Variants in MYO16 observed in about 807,000 individuals in gnomAD.
MYO16 encodes unconventional myosin-XVI.
A neutral mutation model predicts 205.3 loss-of-function variants in MYO16; 94 were observed. The observed-to-expected ratio is 0.46, with a 90% confidence interval of 0.39 to 0.54. MYO16 has a LOEUF of 0.54. Ranked by LOEUF, MYO16 falls within the 20% of genes least tolerant of loss-of-function variation. The pLI is 0.00. For missense variants in MYO16, 2,315 were observed against 2,387.5 expected, an observed-to-expected ratio of 0.97 and a Z score of 0.63; for synonymous variants, 988 against 954.0, an observed-to-expected ratio of 1.04 and a Z score of -0.66.
intron 27 of MYO16, among the ~76,000 whole-genome samples, chr13:109,057,202 AT>A (rs1887441010): frequency 6.6e-6 from 1 of 152,160 alleles, no homozygotes; most frequent in Non-Finnish European, 1.5e-5. Flanking sequence ...CTTATTGTGC[AT>A]TTTGGTAAAT....
At chr13:108,746,920 T>C (rs564588002) in intron 4 of MYO16, among the ~76,000 whole-genome samples, 1 of 151,982 alleles carries the variant, frequency 6.6e-6, no homozygotes, top group East Asian at 1.9e-4. Context: ...GCAGGAAAGA[T>C]ACCTTATTTA....
At chr13:108,802,268 CAACCA>C (rs1260987149) in intron 6 of MYO16, among the ~76,000 whole-genome samples, 1 of 152,168 alleles carries the variant, frequency 6.6e-6, no homozygotes, top group Non-Finnish European at 1.5e-5. Flanking sequence ...GAGTCCCTGG[CAACCA>C]TCATTCTTCT....
In MYO16 at chr13:108,798,688, A is replaced by ATTTTTTTTTT. The variant is rs35432777; in HGVS notation, c.741+5067_741+5076dup. On this transcript the variant is annotated intron_variant, in intron 6 of 34. Coordinates refer to ENST00000457511, the MANE Select transcript of MYO16 (RefSeq NM_001198950.3). ...TATATCACATCTGGCCCCGAGGCTT[A>ATTTTTTTTTT]TTTTTTTTTTTTTTTTTTTTTTTTT... Among the ~76,000 whole-genome samples, 4 of 70,350 alleles carry ATTTTTTTTTT rather than the reference A, an allele frequency of 5.7e-5. 1 individual carries two copies. Among genetic ancestry groups the ATTTTTTTTTT allele is most frequent in the Non-Finnish European group, 9.9e-5 (4 of 40,606 alleles). The allele number at this position is 70,350 out of a possible 152,430, so 46.2% of individuals were successfully genotyped here. A position where few individuals can be genotyped will look rare whatever the true frequency, so the allele number is the denominator to read the frequency against.
At chr13:108,878,464 A>T (rs2139156063) in intron 12 of MYO16, among the ~76,000 whole-genome samples, 1 of 152,216 alleles carries the variant, frequency 6.6e-6, no homozygotes, top group Admixed American at 6.5e-5. Flanking sequence ...CTCCCCATCC[A>T]TCCCACTGAG....
intron 4 of MYO16, among the ~76,000 whole-genome samples, chr13:108,765,645 T>C (rs1885754766): frequency 6.6e-6 from 1 of 152,220 alleles, no homozygotes; most frequent in Non-Finnish European, 1.5e-5. Context: ...CCCCATCAGA[T>C]ACACACGCTT....
intron 15 of MYO16, among the ~76,000 whole-genome samples, chr13:108,908,722 C>T (rs1024824639): frequency 6.6e-6 from 1 of 152,052 alleles, no homozygotes; most frequent in Non-Finnish European, 1.5e-5. Context: ...CCCTGTAATC[C>T]TGGCACTTTG....
intron 22 of MYO16, among the ~76,000 whole-genome samples, chr13:109,012,576 T>C (rs1164097261): frequency 1.3e-5 from 2 of 151,542 alleles, no homozygotes; most frequent in East Asian, 1.9e-4. Flanking sequence ...CCTGAAACCA[T>C]CCCCCCCACC....
chr13:109,182,836 G>C (rs1879511803), intron 34 of MYO16, among the ~76,000 whole-genome samples: 1 of 152,134 alleles, frequency 6.6e-6, no homozygotes, highest in African/African-American at 2.4e-5. Context: ...AACTATAATG[G>C]CTTTATATAA....
intron 27 of MYO16, among the ~76,000 whole-genome samples, chr13:109,075,236 G>T (rs908361487): frequency 6.6e-6 from 1 of 152,148 alleles, no homozygotes; most frequent in Non-Finnish European, 1.5e-5. Context: ...AAGGCATAGC[G>T]TTAGTGTATG....
rs1052517619 is a variant in MYO16, at chr13:108,874,245, C to A, written c.1425+8003C>A. 2.6e-5 allele frequency among the ~76,000 whole-genome samples: 4 copies of A among 151,608 alleles called. 1 individual carries two copies. In the South Asian group the frequency reaches 8.3e-4, roughly 31 times the overall value. On this transcript the variant is annotated intron_variant, in intron 12 of 34. Transcript: ENST00000457511. Reference sequence around the variant, plus strand: ...ATCACAATAAAAAAAGAAATGTGATCGGGGCAAATCTTAAAAAATTAGTAA... The same window carrying A: ...ATCACAATAAAAAAAGAAATGTGATAGGGGCAAATCTTAAAAAATTAGTAA...
chr13:109,050,494 G>A (rs1887210868), intron 24 of MYO16, among the ~76,000 whole-genome samples: 2 of 152,022 alleles, frequency 1.3e-5, no homozygotes. Context: ...AAAGCTTGCT[G>A]TTTTCCCTTT....
chr13:108,506,881 T>A, the MYO16 span, among the ~76,000 whole-genome samples: 2 of 152,102 alleles, frequency 1.3e-5, no homozygotes, highest in African/African-American at 2.4e-5. Flanking sequence ...TTTGTTGAAT[T>A]TTTTTTACCA....
chr13:108,519,582 A>G, the MYO16 span, among the ~76,000 whole-genome samples: 1 of 151,564 alleles, frequency 6.6e-6, no homozygotes, highest in Non-Finnish European at 1.5e-5. Flanking sequence ...AAATAATGGA[A>G]ACAAACACAA....
Position 108,866,171 on chromosome 13 carries a change from T to A in MYO16, c.1360-6T>A. ...TCATGAACTGTTTGCATCCCTTTTT[T>A]CACAGACATTCATTGGAGACATTCT... On this transcript the variant is annotated splice_polypyrimidine_tract_variant and splice_region_variant and intron_variant, in intron 11 of 34. Transcript: ENST00000457511. 6.3e-7 allele frequency: 1 copy of A among 1,596,900 alleles called. No homozygotes were observed. Among genetic ancestry groups the A allele is most frequent in the Non-Finnish European group, 8.6e-7 (1 of 1,168,868 alleles).
chr13:108,945,931 A>G (rs563057150), intron 16 of MYO16, among the ~76,000 whole-genome samples: 1 of 152,282 alleles, frequency 6.6e-6, no homozygotes, highest in East Asian at 1.9e-4. Context: ...CATGTCAGAA[A>G]GGTGTTTAGC....
chr13:108,595,881 C>CTTTT (rs67620613), upstream of MYO16, among the ~76,000 whole-genome samples: 1,506 of 108,250 alleles, frequency 0.014, 57 homozygotes, highest in East Asian at 0.071. Context: ...AAATTAAGTC[C>CTTTT]TTTTTTTTTT....
At chr13:108,596,736 T>G (rs1878577775) in intron 1 of MYO16, among the ~76,000 whole-genome samples, 1 of 152,160 alleles carries the variant, frequency 6.6e-6, no homozygotes, top group Admixed American at 6.5e-5. Context: ...ATGTGATGTG[T>G]TTTGCATATG....
chr13:109,143,624 C>T lies in MYO16; in HGVS notation c.5164+2248C>T, dbSNP rs539591072. 2.0e-5 allele frequency among the ~76,000 whole-genome samples: 3 copies of T among 151,596 alleles called. No homozygotes were observed. In the East Asian group the frequency reaches 5.8e-4, roughly 29 times the overall value. On this transcript the variant is annotated intron_variant, in intron 32 of 34. Transcript: ENST00000457511. ...TAATGAATTTCTAGACAGACCTCAT[C>T]ATTTGGAAATCCCAAAGTCTACTCC...
intron 6 of MYO16, among the ~76,000 whole-genome samples, chr13:108,800,219 C>T (rs566725350): frequency 8.5e-5 from 13 of 152,264 alleles, no homozygotes; most frequent in Middle Eastern, 3.4e-3. Context: ...CATCTCTTGC[C>T]GTTTACTTTG....
Sources: gnomAD v4.1 joint callset for allele counts (sites outside exome capture counted in the v4.1 genomes callset) on GRCh38, gnomAD v4.1.1 for gene constraint, MANE v1.5 for transcripts, NCBI Gene and HGNC (gene_info 2026-07-23, HGNC 2026-07-21) for gene names.